Variants in STON2 observed in about 807,000 individuals in gnomAD.
STON2 encodes stonin-2.
Under a neutral mutation model 65.7 loss-of-function variants are expected in STON2, and 29 were observed. That is an observed-to-expected ratio of 0.44 (90% CI 0.33 to 0.60). STON2 has a LOEUF of 0.60. STON2 is among the 20% of genes least tolerant of loss of function. STON2 has a pLI of 0.03. For missense variants in STON2, 1,054 were observed against 1,118.1 expected (o/e 0.94, Z 0.82); for synonymous variants, 404 against 414.2 (o/e 0.98, Z 0.30).
intron 1 of STON2, among the ~76,000 whole-genome samples, chr14:81,432,512 C>T (rs1004134612): frequency 5.3e-5 from 8 of 152,150 alleles, no homozygotes; most frequent in African/African-American, 1.7e-4. Flanking sequence ...GCCAAATGTC[C>T]ACCCAGTGGG....
chr14:81,321,281 A>G (rs1394608836), intron 5 of STON2, among the ~76,000 whole-genome samples: 3 of 152,024 alleles, frequency 2.0e-5, no homozygotes, highest in East Asian at 3.9e-4. Context: ...CTGTAACTCC[A>G]GCACTTTGGG....
intron 5 of STON2, among the ~76,000 whole-genome samples, chr14:81,317,625 T>A (rs563599943): frequency 6.6e-6 from 1 of 152,288 alleles, no homozygotes; most frequent in East Asian, 1.9e-4. Flanking sequence ...GAAGGGACAG[T>A]CTCACCCAAA....
At chr14:81,334,644 G>C (rs965885571) in intron 4 of STON2, among the ~76,000 whole-genome samples, 1 of 152,074 alleles carries the variant, frequency 6.6e-6, no homozygotes, top group Non-Finnish European at 1.5e-5. Context: ...CCTTTTGTAG[G>C]GTATGAAGCA....
intron 2 of STON2, among the ~76,000 whole-genome samples, chr14:81,397,119 T>A (rs552158755): frequency 6.6e-6 from 1 of 152,180 alleles, no homozygotes; most frequent in East Asian, 1.9e-4. Flanking sequence ...CACAAATGTA[T>A]ACATGTGCTG....
intron 1 of STON2, among the ~76,000 whole-genome samples, chr14:81,432,137 T>C (rs1190421306): frequency 6.6e-6 from 1 of 152,096 alleles, no homozygotes; most frequent in African/African-American, 2.4e-5. Context: ...ATTGGGACCC[T>C]AGGTAGAGTT....
At chr14:81,309,240 T>C (rs1896329252) in intron 5 of STON2, among the ~76,000 whole-genome samples, 1 of 152,084 alleles carries the variant, frequency 6.6e-6, no homozygotes, top group Non-Finnish European at 1.5e-5. Context: ...ACTTGACAGG[T>C]AACAGTTATT....
chr14:81,345,952 T>C (rs1897795157), intron 4 of STON2, among the ~76,000 whole-genome samples: 1 of 152,176 alleles, frequency 6.6e-6, no homozygotes. Context: ...GACAGCCCTG[T>C]TTGCAACACT....
intron 3 of STON2, among the ~76,000 whole-genome samples, chr14:81,394,791 C>T (rs1262372726): frequency 1.3e-5 from 2 of 152,168 alleles, no homozygotes. Context: ...AACAGACTCT[C>T]CCCTAGAGCT....
At chr14:81,343,441 C>T (rs1897693211) in intron 4 of STON2, among the ~76,000 whole-genome samples, 1 of 151,808 alleles carries the variant, frequency 6.6e-6, no homozygotes, top group Non-Finnish European at 1.5e-5. Context: ...CCCACCCTAC[C>T]CTCCCTCCCA....
At chr14:81,271,887 T>C (rs966259007) in intron 6 of STON2, among the ~76,000 whole-genome samples, 5 of 152,206 alleles carry the variant, frequency 3.3e-5, no homozygotes, top group African/African-American at 1.2e-4. Flanking sequence ...AATGTTACCT[T>C]CATTTTATAG....
intron 3 of STON2, among the ~76,000 whole-genome samples, chr14:81,371,402 A>G (rs965726593): frequency 3.3e-5 from 5 of 152,098 alleles, no homozygotes; most frequent in Non-Finnish European, 7.4e-5. Flanking sequence ...CCAGTACGAA[A>G]AGTAAGGTCC....
chr14:81,341,803 A>G (rs930880455), intron 4 of STON2, among the ~76,000 whole-genome samples: 3 of 152,222 alleles, frequency 2.0e-5, no homozygotes, highest in Non-Finnish European at 4.4e-5. Context: ...TTTGGAATCC[A>G]TAACCCTAAT....
chr14:81,323,846 A>G (rs1466584598), intron 5 of STON2, among the ~76,000 whole-genome samples, 171 bp downstream of exon 5: 1 of 152,188 alleles, frequency 6.6e-6, no homozygotes, highest in Non-Finnish European at 1.5e-5. Flanking sequence ...ACAACTTCTA[A>G]TAAACCCTCC....
At chr14:81,270,962 C>A (rs1409296710) in intron 6 of STON2, 90 bp from the exon 7 acceptor site, 4 of 1,492,090 alleles carry the variant, frequency 2.7e-6, no homozygotes, top group Admixed American at 2.3e-5. Flanking sequence ...TAAAGGAGGC[C>A]TGTGGGCTCG....
chr14:81,414,991 G>A (rs1242970672), intron 2 of STON2, among the ~76,000 whole-genome samples: 1 of 152,030 alleles, frequency 6.6e-6, no homozygotes, highest in African/African-American at 2.4e-5. Flanking sequence ...AGGGGCTAAG[G>A]GCTCTGGGAA....
chr14:81,278,129 A>G lies in STON2; in HGVS notation c.1353T>C (p.Asp451=), dbSNP rs778714810. 2 of 1,614,156 alleles carry G rather than the reference A, an allele frequency of 1.2e-6. No homozygotes were observed. The highest frequency in any genetic ancestry group is 1.7e-6 in the Non-Finnish European group (2 of 1,180,042). Reference sequence around the variant, plus strand: ...CAGGTAGAGTTGCACTGCCAAAGTGATCAGGGTCATCAATTTGGAGTTGTT... The same window carrying G: ...CAGGTAGAGTTGCACTGCCAAAGTGGTCAGGGTCATCAATTTGGAGTTGTT... ...KLKQLQIDDP[D]HFGSATLPDD... is the part of the protein sequence containing the mutation. Residue 451 remains aspartate, a synonymous_variant, in exon 6 of 8, where the codon GAT becomes GAC. Transcript: ENST00000614646.
intron 4 of STON2, among the ~76,000 whole-genome samples, chr14:81,355,482 G>T (rs1898189960): frequency 6.6e-6 from 1 of 152,104 alleles, no homozygotes; most frequent in Non-Finnish European, 1.5e-5. Flanking sequence ...AGAATGAGAT[G>T]ATATATTCAA....
intron 5 of STON2, among the ~76,000 whole-genome samples, chr14:81,289,474 G>A (rs2140151659): frequency 6.6e-6 from 1 of 152,306 alleles, no homozygotes; most frequent in South Asian, 2.1e-4. Context: ...GGAAGGTTCT[G>A]CAGAGCCCCA....
Position 81,396,013 on chromosome 14 carries a change from G to A in STON2, c.254C>T (p.Pro85Leu), listed in dbSNP as rs759839438. 1.2e-5 allele frequency: 19 copies of A among 1,614,096 alleles called. No homozygotes were observed. The South Asian group carries it at 1.6e-4, about 14-fold the overall frequency. The change falls in exon 3 of 8, where the codon CCT (proline) becomes CTT (leucine). Residue 85 changes from proline (P) to leucine (L), a missense_variant. Coordinates refer to ENST00000614646, the MANE Select transcript of STON2 (RefSeq NM_001394390.1). ...MGLISEAASPPGSPEQPPPDL... is the reference protein window; with the variant it reads ...MGLISEAASPLGSPEQPPPDL... Reference sequence around the variant, plus strand: ...AGGTGGGGGCTGCTCAGGGCTCCCAGGTGGGGAAGCTGCTTCAGAGATGAG... The same window carrying A: ...AGGTGGGGGCTGCTCAGGGCTCCCAAGTGGGGAAGCTGCTTCAGAGATGAG...
Sources: gnomAD v4.1 joint callset for allele counts (sites outside exome capture counted in the v4.1 genomes callset) on GRCh38, gnomAD v4.1.1 for gene constraint, MANE v1.5 for transcripts, NCBI Gene and HGNC (gene_info 2026-07-23, HGNC 2026-07-21) for gene names.